The following SLC27A4 variants were observed in gnomAD, a reference collection of about 807,000 sequenced individuals.
The protein encoded by SLC27A4 is solute carrier family 27 member 4, also known as long-chain fatty acid transport protein 4.
Under a neutral mutation model 64.4 loss-of-function variants are expected in SLC27A4, and 33 were observed. That is an observed-to-expected ratio of 0.51 (90% confidence interval 0.39 to 0.68). The LOEUF is 0.68. Among genes scored for constraint, SLC27A4 ranks in the 30% least tolerant of loss-of-function variants. SLC27A4 has a pLI of 0.00. For synonymous variants in SLC27A4, 377 were observed against 370.0 expected (o/e 1.02, Z -0.22); for missense variants, 824 against 883.5 (o/e 0.93, Z 0.85).
intron 4 of SLC27A4, 74 bp from the exon 5 acceptor site, chr9:128,350,238 C>CAGGTGTGCACCCTTCAACACCTGT: frequency 1.6e-6 from 2 of 1,213,984 alleles, no homozygotes; most frequent in Non-Finnish European, 2.4e-6. Context: ...TGCACACCTG[C>CAGGTGTGCACCCTTCAACACCTGT]AGGTGTCCAT....
chr9:128,342,100 A>T, intron 1 of SLC27A4: 1 of 727,430 alleles, frequency 1.4e-6, no homozygotes, highest in Non-Finnish European at 2.5e-6. Flanking sequence ...CCTGGATGTC[A>T]GAAGAGTGAA....
chr9:128,358,152 C>T (rs1003170632), intron 12 of SLC27A4, among the ~76,000 whole-genome samples: 3 of 152,224 alleles, frequency 2.0e-5, no homozygotes, highest in Non-Finnish European at 4.4e-5. Context: ...TTAAGTGCAG[C>T]TGAGCAGTTC....
intron 12 of SLC27A4, among the ~76,000 whole-genome samples, chr9:128,356,555 T>C (rs1832823127): frequency 6.6e-6 from 1 of 152,200 alleles, no homozygotes; most frequent in Non-Finnish European, 1.5e-5. Flanking sequence ...ATCCCGGCAC[T>C]TTGGGTGGGA....
At position 128,346,519 on chromosome 9, in the gene SLC27A4, C is replaced by T. The variant is rs368729781; in HGVS notation, c.556+970C>T. Among the ~76,000 whole-genome samples the T allele has an allele frequency of 2.8e-4, 43 of 151,950 alleles. 1 individual carries two copies. The highest frequency in any genetic ancestry group is 1.4e-3 in the East Asian group (7 of 5,100). ...AAAGTGCTGGGATTATAGGCATGAG[C>T]CACCACGCCCGGCCTAAAAAAAGTT... On this transcript the variant is annotated intron_variant, in intron 3 of 12. Coordinates refer to ENST00000300456, the MANE Select transcript of SLC27A4 (RefSeq NM_005094.4).
At chr9:128,349,388 A>G (rs1012188478) in intron 4 of SLC27A4, among the ~76,000 whole-genome samples, 2 of 152,156 alleles carry the variant, frequency 1.3e-5, no homozygotes, top group Non-Finnish European at 2.9e-5. Flanking sequence ...TCCCACAGCC[A>G]TAAAACTGGG....
intron 2 of SLC27A4, among the ~76,000 whole-genome samples, chr9:128,343,873 T>C (rs1245502008): frequency 7.2e-5 from 11 of 152,092 alleles, no homozygotes; most frequent in Admixed American, 7.2e-4. Context: ...CTCAGATTGG[T>C]CAGGAGAAAG....
rs767622112 is a variant in SLC27A4, at chr9:128,353,055, T to A, written c.1018T>A (p.Tyr340Asn). The change falls in exon 8 of 13, where the codon TAC becomes AAC. Residue 340 changes from tyrosine to asparagine, a missense_variant. Transcript: ENST00000300456. The surrounding 1 kb of genome is among the most constrained non-coding windows in gnomAD (Gnocchi z 4.9). ...IVQYIGELCR[Y>N]LLNQPPREAE... ...GCAGTACATTGGTGAACTGTGCCGCTACCTCCTGAACCAGCCACCGCGGGA... is the reference window on the plus strand; with the variant it reads ...GCAGTACATTGGTGAACTGTGCCGCAACCTCCTGAACCAGCCACCGCGGGA... 1 of 1,613,890 alleles carries A rather than the reference T, an allele frequency of 6.2e-7. No individual in the cohort carries two copies. The highest frequency in any genetic ancestry group is 1.3e-5 in the African/African-American group (1 of 74,916).
intron 12 of SLC27A4, among the ~76,000 whole-genome samples, chr9:128,358,139 G>A (rs1564404353): frequency 1.3e-5 from 2 of 152,342 alleles, no homozygotes; most frequent in African/African-American, 2.4e-5. Context: ...AGCAATTTAG[G>A]GGTTAAGTGC....
rs148956936 is a variant in SLC27A4, at chr9:128,348,560, A to G, written c.572A>G (p.His191Arg). The change falls in exon 4 of 13, where the codon CAT (histidine) becomes CGT (arginine). Residue 191 changes from histidine to arginine, a missense_variant. By Grantham distance (29) the His-to-Arg change is conservative (BLOSUM62 0). Transcript: ENST00000300456. ...CTCCCCACAGCCATCTGTGAGGTCCATGCCAGCCTGGACCCCTCGCTCAGC... is the reference window on the plus strand; with the variant it reads ...CTCCCCACAGCCATCTGTGAGGTCCGTGCCAGCCTGGACCCCTCGCTCAGC... ...SEMASAICEV[H>R]ASLDPSLSLF... 7 of 1,613,124 alleles carry G rather than the reference A, an allele frequency of 4.3e-6. No homozygotes were observed. The highest frequency in any genetic ancestry group is 3.3e-5 in the South Asian group (3 of 91,090).
chr9:128,359,438 ACATGG>A (rs1428696767), intron 12 of SLC27A4, among the ~76,000 whole-genome samples: 4 of 152,136 alleles, frequency 2.6e-5, no homozygotes, highest in Non-Finnish European at 4.4e-5. Flanking sequence ...AGCCTGACCA[ACATGG>A]TGAAACCCCG....
chr9:128,345,003 T>G lies in SLC27A4; in HGVS notation c.162-152T>G. 1.2e-6 allele frequency: 1 copy of G among 811,114 alleles called. No individual in the cohort carries two copies. Among genetic ancestry groups the G allele is most frequent in the East Asian group, 2.7e-5 (1 of 37,676 alleles). 50.2% of individuals were successfully genotyped at this position (811,114 alleles called of 1,614,324 possible). On this transcript the variant is annotated intron_variant, in intron 2 of 12. Transcript: ENST00000300456. This position sits in a 1 kb window ranked among gnomAD's most constrained non-coding sequence, Gnocchi z 4.1. ...TTATTGAGAGGCATCAGTAAGGCAG[T>G]GCATGTTCCCAGCAGGAGCCAGGAG...
At chr9:128,341,753 T>A (rs1407191256) in intron 1 of SLC27A4, among the ~76,000 whole-genome samples, 1 of 152,120 alleles carries the variant, frequency 6.6e-6, no homozygotes, top group Non-Finnish European at 1.5e-5. Context: ...TTTTTTCTTT[T>A]TTTGAGACGG....
Position 128,345,922 on chromosome 9 carries a change from A to G in SLC27A4, c.556+373A>G, listed in dbSNP as rs1268111921. ...GTCTCTACTAAGAAATTTTTTTGAG[A>G]CAGGGTCTTGCCCTGTCACCCAGGC... On this transcript the variant is annotated intron_variant, in intron 3 of 12. Transcript: ENST00000300456. The surrounding 1 kb of genome is among the most constrained non-coding windows in gnomAD (Gnocchi z 4.1). Among the ~76,000 whole-genome samples the G allele has an allele frequency of 6.6e-6, 1 of 152,114 alleles. No individual in the cohort carries two copies. Among genetic ancestry groups the G allele is most frequent in the Non-Finnish European group, 1.5e-5 (1 of 68,016 alleles).
At position 128,345,046 on chromosome 9, in the gene SLC27A4, G is replaced by T. The variant is rs890968390; in HGVS notation, c.162-109G>T. ...GCCAGGAGATAGAAGTGTTGTAGGG[G>T]GTCTGGCTCATGAAGCATAGGCTGG... is the stretch of plus-strand genomic sequence containing the variant. On this transcript the variant is annotated intron_variant, in intron 2 of 12. Coordinates refer to ENST00000300456, the MANE Select transcript of SLC27A4 (RefSeq NM_005094.4). This position sits in a 1 kb window ranked among gnomAD's most constrained non-coding sequence, Gnocchi z 4.1. 19 of 1,326,952 alleles carry T rather than the reference G, an allele frequency of 1.4e-5. No individual in the cohort carries two copies. Among genetic ancestry groups the T allele is most frequent in the Non-Finnish European group, 2.0e-5 (19 of 943,294 alleles). 82.2% of individuals were successfully genotyped at this position (1,326,952 alleles called of 1,614,324 possible).
chr9:128,359,830 A>G (rs1051210419), intron 12 of SLC27A4, among the ~76,000 whole-genome samples: 9 of 152,114 alleles, frequency 5.9e-5, no homozygotes, highest in African/African-American at 1.4e-4. Flanking sequence ...AATACCATGA[A>G]TTTTTTATGT....
chr9:128,355,561 A>G lies in SLC27A4; in HGVS notation c.1626A>G (p.Pro542=), dbSNP rs779234366. The change falls in exon 11 of 13, where the codon CCA becomes CCG. Residue 542 remains proline (P), a splice_region_variant and synonymous_variant. Transcript: ENST00000300456. ...ADVAVYGVEV[P]GTEGRAGMAA... is the part of the protein sequence containing the mutation. The stretch of plus-strand genomic sequence containing the variant: ...TGGCCGTGTATGGTGTCGAGGTGCC[A>G]GGTATGTGCAGGCAGGCGCGAGGTG... The G allele has an allele frequency of 3.7e-6, 6 of 1,610,026 alleles. No homozygotes were observed. The highest frequency in any genetic ancestry group is 1.3e-5 in the African/African-American group (1 of 75,040).
chr9:128,360,642 C>A lies in SLC27A4; in HGVS notation c.*151C>A. On this transcript the variant is annotated 3_prime_UTR_variant, in exon 13 of 13. Transcript: ENST00000300456. ...CCCTCCATCCAAAACTGCCAAGTGA[C>A]TCATTGCCTTCCCAACCCTTCCAGA... 1 of 752,846 alleles carries A rather than the reference C, an allele frequency of 1.3e-6. No homozygotes were observed. The highest frequency in any genetic ancestry group is 2.7e-5 in the East Asian group (1 of 37,066). 46.6% of individuals were successfully genotyped at this position (752,846 alleles called of 1,614,324 possible). A position where few individuals can be genotyped will look rare whatever the true frequency, so the allele number is the denominator to read the frequency against.
At chr9:128,351,263 C>CA (rs534167822) in intron 6 of SLC27A4, among the ~76,000 whole-genome samples, 3,608 of 69,424 alleles carry the variant, frequency 0.052, 209 homozygotes, top group African/African-American at 0.12. Context: ...GACACTGTCT[C>CA]AAAAAAAAAA....
chr9:128,360,498 C>G lies in SLC27A4; in HGVS notation c.*7C>G, dbSNP rs1282644086. On this transcript the variant is annotated 3_prime_UTR_variant, in exon 13 of 13. Transcript: ENST00000300456. ...AGGCGAGGAGAAGCTGTGATTCCCC[C>G]CATCCCTCTGAGGGCCGGCGGATGC... is the stretch of plus-strand genomic sequence containing the variant. The G allele has an allele frequency of 1.2e-6, 2 of 1,613,422 alleles. No individual in the cohort carries two copies. The highest frequency in any genetic ancestry group is 2.2e-5 in the East Asian group (1 of 44,892).
Sources: gnomAD v4.1 joint callset for allele counts (sites outside exome capture counted in the v4.1 genomes callset) on GRCh38, gnomAD v4.1.1 for gene constraint, Gnocchi (gnomAD v3.1) non-coding constraint, MANE v1.5 for transcripts, NCBI Gene and HGNC (gene_info 2026-07-23, HGNC 2026-07-21) for gene names.